SLC39A11: variants seen among roughly 807,000 people sequenced by gnomAD.
SLC39A11 encodes zinc transporter ZIP11.
SLC39A11 carries 33 observed loss-of-function variants against 36.1 expected under a neutral mutation model. That is an observed-to-expected ratio of 0.91 (90% CI 0.69 to 1.22). The LOEUF (loss-of-function observed/expected upper bound fraction) is 1.22, where lower values mean the gene tolerates loss of function less well. Ranked by LOEUF, SLC39A11 falls within the 50% of genes most tolerant of loss-of-function variation. SLC39A11 has a pLI of 0.00. For missense variants in SLC39A11, 432 were observed against 430.3 expected (o/e 1.00, Z -0.03); for synonymous variants, 166 against 170.3 (o/e 0.97, Z 0.20).
intron 6 of SLC39A11, among the ~76,000 whole-genome samples, chr17:72,795,812 C>T (rs542453547): frequency 6.6e-6 from 1 of 152,206 alleles, no homozygotes; most frequent in South Asian, 2.1e-4. Context: ...CTATCAGTCT[C>T]TCTTTCTAAA....
intron 3 of SLC39A11, among the ~76,000 whole-genome samples, chr17:73,046,708 G>T (rs755145203): frequency 1.3e-5 from 2 of 152,026 alleles, no homozygotes; most frequent in Admixed American, 1.3e-4. Flanking sequence ...TCGGGAGGTC[G>T]AAGTGGGCAG....
intron 3 of SLC39A11, among the ~76,000 whole-genome samples, chr17:73,080,954 TAAAA>T (rs756685507): frequency 1.0e-5 from 1 of 97,954 alleles, no homozygotes; most frequent in South Asian, 3.2e-4. Context: ...CAAAAAACAA[TAAAA>T]TAAATAAATA....
At chr17:72,793,626 C>T (rs1211211703) in intron 6 of SLC39A11, among the ~76,000 whole-genome samples, 3 of 151,994 alleles carry the variant, frequency 2.0e-5, no homozygotes, top group Admixed American at 6.6e-5. Context: ...GATGGGGTCT[C>T]GCTATGTTAC....
intron 3 of SLC39A11, among the ~76,000 whole-genome samples, chr17:73,052,044 G>A (rs971266517): frequency 2.6e-5 from 4 of 151,922 alleles, no homozygotes; most frequent in Non-Finnish European, 4.4e-5. Flanking sequence ...TCAAGTGGTC[G>A]TGAAGACAAA....
At chr17:72,853,189 A>AT (rs774708211) in intron 5 of SLC39A11, among the ~76,000 whole-genome samples, 2,533 of 122,232 alleles carry the variant, frequency 0.021, 49 homozygotes, top group African/African-American at 0.047. Flanking sequence ...TAACTTTTGT[A>AT]TTTTTTTTTT....
At chr17:72,802,172 AC>A (rs2077108263) in intron 6 of SLC39A11, among the ~76,000 whole-genome samples, 1 of 152,138 alleles carries the variant, frequency 6.6e-6, no homozygotes, top group Non-Finnish European at 1.5e-5. Flanking sequence ...TAGGATGTGC[AC>A]CCAGACACGT....
rs532940760 is a variant in SLC39A11, at chr17:73,023,796, G to A, written c.306+7760C>T. On this transcript the variant is annotated intron_variant, in intron 4 of 9. Coordinates refer to ENST00000255559, the MANE Select transcript of SLC39A11 (RefSeq NM_139177.4). Reference sequence around the variant, plus strand: ...GAGCCACCACACCCGGTCCCAAAATGGTGCTGTTTGGGTGGGCCTTGGTCC... The same window carrying A: ...GAGCCACCACACCCGGTCCCAAAATAGTGCTGTTTGGGTGGGCCTTGGTCC... Among the ~76,000 whole-genome samples, 23 of 152,278 alleles carry A rather than the reference G, an allele frequency of 1.5e-4. 1 individual carries two copies. In the East Asian group the frequency reaches 4.4e-3, roughly 29 times the overall value.
intron 5 of SLC39A11, among the ~76,000 whole-genome samples, chr17:72,925,320 C>T (rs1002964746): frequency 2.6e-5 from 4 of 152,098 alleles, no homozygotes; most frequent in South Asian, 4.1e-4. Context: ...TGATTACATG[C>T]GAATTTTTAG....
chr17:72,955,469 A>ATTTTTTTTT, intron 4 of SLC39A11, among the ~76,000 whole-genome samples: 1 of 128,670 alleles, frequency 7.8e-6, no homozygotes, highest in Non-Finnish European at 1.6e-5. Flanking sequence ...CGTCTGGCTA[A>ATTTTTTTTT]TTTTTTTTTT....
intron 6 of SLC39A11, among the ~76,000 whole-genome samples, chr17:72,837,617 C>T (rs1044123751): frequency 4.6e-5 from 7 of 152,100 alleles, no homozygotes; most frequent in Admixed American, 2.6e-4. Flanking sequence ...ACTTACAACA[C>T]CCAAAAAAGT....
chr17:73,088,778 G>A lies in SLC39A11; in HGVS notation c.-11-3C>T. The A allele has an allele frequency of 6.3e-7, 1 of 1,588,258 alleles. No individual in the cohort carries two copies. Among genetic ancestry groups the A allele is most frequent in the Non-Finnish European group, 8.6e-7 (1 of 1,166,326 alleles). On this transcript the variant is annotated splice_region_variant and splice_polypyrimidine_tract_variant and intron_variant, in intron 1 of 9. Transcript: ENST00000255559. ...GCCTTGGAGCATGCTGGATACAGCT[G>A]TGCAAGAGGAGCGAGAGGGTCAGCC...
In SLC39A11 at chr17:72,723,413, C is replaced by T. The variant is rs979566531; in HGVS notation, c.671+13237G>A. The stretch of plus-strand genomic sequence containing the variant: ...AATTTCTCCATCCTTCAAAGGAAAA[C>T]CATCTTTCAGAGTAAGTAGTAGCAG... On this transcript the variant is annotated intron_variant, in intron 7 of 9. Transcript: ENST00000255559. Among the ~76,000 whole-genome samples, 5 of 151,632 alleles carry T rather than the reference C, an allele frequency of 3.3e-5. No homozygotes were observed. The South Asian group carries it at 1.0e-3, about 31-fold the overall frequency.
chr17:73,088,768 G>A lies in SLC39A11; in HGVS notation c.-4C>T, dbSNP rs767983315. On this transcript the variant is annotated 5_prime_UTR_variant, in exon 2 of 10. The change creates a premature stop within an existing upstream ORF in the 5' untranslated region. Coordinates refer to ENST00000255559, the MANE Select transcript of SLC39A11 (RefSeq NM_139177.4). ...CAGAGCTGTGGCCTTGGAGCATGCT[G>A]GATACAGCTGTGCAAGAGGAGCGAG... 15 of 1,596,828 alleles carry A rather than the reference G, an allele frequency of 9.4e-6. No homozygotes were observed. The highest frequency in any genetic ancestry group is 1.7e-5 in the Admixed American group (1 of 57,518).
At chr17:72,949,989 ACACACAC>A (rs2085747618) in intron 4 of SLC39A11, among the ~76,000 whole-genome samples, 1 of 100,188 alleles carries the variant, frequency 1.0e-5, no homozygotes, top group African/African-American at 3.3e-5. Flanking sequence ...ACACACACAC[ACACACAC>A]CCCTTCTTGT....
intron 7 of SLC39A11, among the ~76,000 whole-genome samples, chr17:72,692,776 C>T (rs1402574690): frequency 2.0e-5 from 3 of 152,106 alleles, no homozygotes; most frequent in Non-Finnish European, 4.4e-5. Flanking sequence ...CATCAATGTC[C>T]ATGAGATACT....
intron 7 of SLC39A11, among the ~76,000 whole-genome samples, chr17:72,732,233 T>C (rs1038712292): frequency 1.3e-5 from 2 of 151,788 alleles, no homozygotes; most frequent in East Asian, 1.9e-4. Flanking sequence ...CAAGCCGGTC[T>C]TGAATTCCCG....
At chr17:72,751,505 AT>A (rs2075154985) in intron 6 of SLC39A11, among the ~76,000 whole-genome samples, 1 of 152,068 alleles carries the variant, frequency 6.6e-6, no homozygotes, top group South Asian at 2.1e-4. Context: ...CATCTTCCTC[AT>A]TTTTAAGTGT....
At chr17:72,927,371 G>C (rs1178716659) in intron 5 of SLC39A11, among the ~76,000 whole-genome samples, 1 of 152,174 alleles carries the variant, frequency 6.6e-6, no homozygotes, top group Non-Finnish European at 1.5e-5. Context: ...CCCAGCCCTG[G>C]ATTTGAACCA....
chr17:72,852,058 G>C (rs1011029114), intron 5 of SLC39A11, among the ~76,000 whole-genome samples: 2 of 151,244 alleles, frequency 1.3e-5, no homozygotes, highest in African/African-American at 4.9e-5. Context: ...AAAATTAACT[G>C]GGCGTGGTGG....
Sources: allele counts gnomAD v4.1 joint callset (sites outside exome capture counted in the v4.1 genomes callset), GRCh38; gene constraint gnomAD v4.1.1; transcripts MANE v1.5; gene names NCBI Gene and HGNC (gene_info 2026-07-23, HGNC 2026-07-21).